Variants in GRHL2 observed in about 807,000 individuals in gnomAD.
GRHL2 encodes grainyhead like transcription factor 2, also known as grainyhead-like protein 2 homolog.
GRHL2 carries 21 observed loss-of-function variants against 83.8 expected under a neutral mutation model. The observed-to-expected ratio is 0.25, with a 90% CI of 0.18 to 0.36. GRHL2 has a LOEUF of 0.36. Ranked by LOEUF, GRHL2 falls within the 10% of genes least tolerant of loss-of-function variation. GRHL2 has a pLI of 1.00. For missense variants in GRHL2, 623 were observed against 781.8 expected, an observed-to-expected ratio of 0.80 and a Z score of 2.42; for synonymous variants, 280 against 278.9, an observed-to-expected ratio of 1.00 and a Z score of -0.04.
Position 101,652,613 on chromosome 8 carries a change from G to GTGGT in GRHL2, c.1698+3114_1698+3115insTGGT, listed in dbSNP as rs569391544. On this transcript the variant is annotated intron_variant, in intron 14 of 15. Transcript: ENST00000646743. ...CTGTGTGTGTGTGGTGTGTGTGTGT[G>GTGGT]GTGTGTGTGTGTGTGTACTATACAG... 3.7e-4 allele frequency among the ~76,000 whole-genome samples: 46 copies of GTGGT among 123,700 alleles called. 2 individuals carry two copies. Among genetic ancestry groups the GTGGT allele is most frequent in the African/African-American group, 1.6e-3 (46 of 28,630 alleles). The allele number at this position is 123,700 out of a possible 152,430, so 81.2% of individuals were successfully genotyped here. A position where few individuals can be genotyped will look rare whatever the true frequency, so the allele number is the denominator to read the frequency against.
chr8:101,517,359 G>T (rs1309431068), intron 1 of GRHL2, among the ~76,000 whole-genome samples: 3 of 152,058 alleles, frequency 2.0e-5, no homozygotes, highest in Admixed American at 1.3e-4. Context: ...ATTCATGGAC[G>T]CCTCCTTCCA....
At chr8:101,625,247 A>T (rs1645194310) in intron 9 of GRHL2, among the ~76,000 whole-genome samples, 1 of 152,114 alleles carries the variant, frequency 6.6e-6, no homozygotes, top group Non-Finnish European at 1.5e-5. Flanking sequence ...GGAACCTGGC[A>T]ATCCATTCAT....
At chr8:101,593,031 G>A (rs1812319888) in intron 7 of GRHL2, among the ~76,000 whole-genome samples, 2 of 150,514 alleles carry the variant, frequency 1.3e-5, no homozygotes, top group Non-Finnish European at 3.0e-5. Context: ...ACTGCAACCT[G>A]TGCCTCCCGA....
chr8:101,554,690 A>G (rs1326116247), intron 3 of GRHL2, among the ~76,000 whole-genome samples: 4 of 152,256 alleles, frequency 2.6e-5, no homozygotes, highest in Admixed American at 2.6e-4. Flanking sequence ...GTTTGTATAC[A>G]GAAGTTGCTA....
chr8:101,652,577 G>GGTATGTGTGTA, intron 14 of GRHL2, among the ~76,000 whole-genome samples: 1 of 106,854 alleles, frequency 9.4e-6, no homozygotes, highest in South Asian at 3.4e-4. Context: ...TGTGTGTGGT[G>GGTATGTGTGTA]TGTGTGGTGT....
At chr8:101,673,524 G>C (rs1449265160), downstream of GRHL2, among the ~76,000 whole-genome samples, 4 of 58,240 alleles carry the variant, frequency 6.9e-5, no homozygotes, top group African/African-American at 3.3e-4. Context: ...TATATATTTA[G>C]GATATATATA....
chr8:101,646,718 T>C (rs1813518469), intron 13 of GRHL2, among the ~76,000 whole-genome samples: 1 of 152,240 alleles, frequency 6.6e-6, no homozygotes, highest in Non-Finnish European at 1.5e-5. Context: ...GGGAGTCCCT[T>C]GGGGGCTGCC....
At chr8:101,538,772 TATTAA>T (rs1251479910) in intron 1 of GRHL2, among the ~76,000 whole-genome samples, 1 of 152,228 alleles carries the variant, frequency 6.6e-6, no homozygotes, top group Non-Finnish European at 1.5e-5. Context: ...ATTCTGTTTT[TATTAA>T]ATTAAACTTC....
At chr8:101,679,620 T>C in the GRHL2 span, among the ~76,000 whole-genome samples, 3 of 151,030 alleles carry the variant, frequency 2.0e-5, no homozygotes, top group African/African-American at 4.9e-5. Flanking sequence ...AGACACATAA[T>C]TGTCAGATTC....
chr8:101,652,583 GGTGTC>G (rs1563627626), intron 14 of GRHL2, among the ~76,000 whole-genome samples: 59 of 97,554 alleles, frequency 6.0e-4, no homozygotes, highest in Non-Finnish European at 8.9e-4. Context: ...TGGTGTGTGT[GGTGTC>G]TGTGTGTGTG....
chr8:101,647,206 A>T (rs1180219700), intron 13 of GRHL2, among the ~76,000 whole-genome samples: 1 of 152,174 alleles, frequency 6.6e-6, no homozygotes, highest in Non-Finnish European at 1.5e-5. Context: ...TCTACTAAAA[A>T]TACAAAAACT....
chr8:101,665,146 C>G (rs899830053), intron 15 of GRHL2, among the ~76,000 whole-genome samples: 1 of 152,144 alleles, frequency 6.6e-6, no homozygotes, highest in Non-Finnish European at 1.5e-5. Context: ...TTAAGCATGT[C>G]GCCCAAGTCT....
At chr8:101,563,753 G>A (rs1811657569) in intron 4 of GRHL2, among the ~76,000 whole-genome samples, 1 of 150,190 alleles carries the variant, frequency 6.7e-6, no homozygotes, top group Non-Finnish European at 1.5e-5. Context: ...TAAACTGAAT[G>A]AAGGATCTTG....
intron 9 of GRHL2, 92 bp downstream of exon 9, chr8:101,619,789 G>C (rs1427681420): frequency 1.0e-6 from 1 of 968,796 alleles, no homozygotes; most frequent in Non-Finnish European, 1.6e-6. Flanking sequence ...TGCTTGTCTA[G>C]TGGTGTCAAA....
chr8:101,529,458 C>A, intron 1 of GRHL2: 1 of 160,428 alleles, frequency 6.2e-6, no homozygotes, highest in Non-Finnish European at 1.3e-5. Flanking sequence ...GTGCCTGGAG[C>A]CTTTTGATGG....
At chr8:101,631,332 A>T (rs1178936229) in intron 9 of GRHL2, among the ~76,000 whole-genome samples, 4 of 152,262 alleles carry the variant, frequency 2.6e-5, no homozygotes, top group Admixed American at 2.0e-4. Context: ...TCACTGGTTT[A>T]GGGAACTGGG....
intron 1 of GRHL2, among the ~76,000 whole-genome samples, chr8:101,515,196 A>G (rs1198730966): frequency 6.6e-6 from 1 of 151,208 alleles, no homozygotes; most frequent in Non-Finnish European, 1.5e-5. Context: ...ACACACACAC[A>G]CACACACACA....
At chr8:101,570,604 T>C (rs1239680099) in intron 5 of GRHL2, among the ~76,000 whole-genome samples, 1 of 152,170 alleles carries the variant, frequency 6.6e-6, no homozygotes, top group Non-Finnish European at 1.5e-5. Flanking sequence ...ACCCCTTTTC[T>C]TCCTTCTGTT....
At chr8:101,516,435 G>A (rs1383285168) in intron 1 of GRHL2, among the ~76,000 whole-genome samples, 1 of 99,892 alleles carries the variant, frequency 1.0e-5, no homozygotes, top group East Asian at 3.1e-4. Flanking sequence ...TTTTTTTTGA[G>A]ACAGGGTCTC....
Sources: gnomAD v4.1 joint callset for allele counts (sites outside exome capture counted in the v4.1 genomes callset) on GRCh38, gnomAD v4.1.1 for gene constraint, MANE v1.5 for transcripts, NCBI Gene and HGNC (gene_info 2026-07-23, HGNC 2026-07-21) for gene names.